DRC9: variants seen among roughly 807,000 people sequenced by gnomAD.
The protein encoded by DRC9 is dynein regulatory complex protein 9.
chr3:197,951,050 A>G, the DRC9 span: 1 of 1,605,254 alleles, frequency 6.2e-7, no homozygotes, highest in Non-Finnish European at 8.5e-7. Flanking sequence ...TAAAATTGGC[A>G]AGAAAAAACT....
chr3:197,954,084 C>T, the DRC9 span: 3 of 1,614,168 alleles, frequency 1.9e-6, no homozygotes, highest in Admixed American at 3.3e-5. Flanking sequence ...GAAACAGTGG[C>T]ATGGTTCGTG....
At chr3:197,912,937 G>A in the DRC9 span, 4 of 600,918 alleles carry the variant, frequency 6.7e-6, no homozygotes, top group South Asian at 7.6e-5. Context: ...TGTGTGGACT[G>A]CGTGTGTCCC....
At chr3:197,900,121 G>A in the DRC9 span, among the ~76,000 whole-genome samples, 1 of 152,204 alleles carries the variant, frequency 6.6e-6, no homozygotes, top group Admixed American at 6.5e-5. This position sits in a 1 kb window ranked among gnomAD's most constrained non-coding sequence, Gnocchi z 4.7. Flanking sequence ...AGTGGGACCC[G>A]AGTCCCAGCA....
chr3:197,941,175 T>TCTCTCTCCC, the DRC9 span, among the ~76,000 whole-genome samples: 16 of 122,894 alleles, frequency 1.3e-4, no homozygotes, highest in African/African-American at 5.0e-4. Context: ...CTCTCTCCTC[T>TCTCTCTCCC]CTCTCTCCCC....
At chr3:197,944,321 C>G in the DRC9 span, among the ~76,000 whole-genome samples, 5 of 151,244 alleles carry the variant, frequency 3.3e-5, no homozygotes, top group African/African-American at 1.2e-4. Context: ...TGCAATGGTG[C>G]TATCTCAGCT....
the DRC9 span, chr3:197,954,137 G>A: frequency 6.2e-7 from 1 of 1,614,196 alleles, no homozygotes; most frequent in Non-Finnish European, 8.5e-7. Context: ...ATTGGACACA[G>A]AATCCGAGTG....
chr3:197,956,701 G>GCAACCT, the DRC9 span: 66 of 147,982 alleles, frequency 4.5e-4, no homozygotes, highest in African/African-American at 1.5e-3. Flanking sequence ...ACAGCTTACT[G>GCAACCT]CAACCTCAAC....
At chr3:197,944,086 C>G in the DRC9 span, 1 of 1,586,114 alleles carries the variant, frequency 6.3e-7, no homozygotes, top group Non-Finnish European at 8.6e-7. Flanking sequence ...AAGTCAGCAA[C>G]CAATATTTAA....
the DRC9 span, among the ~76,000 whole-genome samples, chr3:197,919,161 C>A: frequency 1.3e-5 from 2 of 152,220 alleles, no homozygotes; most frequent in Admixed American, 1.3e-4. Flanking sequence ...CCAAAGGCAT[C>A]TGGTTTTAAT....
the DRC9 span, chr3:197,956,054 G>A: frequency 2.4e-6 from 1 of 423,036 alleles, no homozygotes; most frequent in Non-Finnish European, 4.4e-6. Flanking sequence ...CACATTCAAA[G>A]GCTCAAGCAA....
chr3:197,950,770 C>T, the DRC9 span: 6 of 638,902 alleles, frequency 9.4e-6, no homozygotes, highest in African/African-American at 7.3e-5. Flanking sequence ...GTTTGAATGT[C>T]TTGCCGGACC....
chr3:197,931,375 C>T, the DRC9 span, among the ~76,000 whole-genome samples: 3 of 151,488 alleles, frequency 2.0e-5, no homozygotes, highest in Non-Finnish European at 4.4e-5. Context: ...CCAGCTACTT[C>T]GGAGGCTGAG....
chr3:197,903,625 G>C, the DRC9 span, among the ~76,000 whole-genome samples: 1 of 152,126 alleles, frequency 6.6e-6, no homozygotes, highest in East Asian at 1.9e-4. Context: ...GAGAGAGCAA[G>C]ACTCTGTCTC....
At chr3:197,925,515 C>T in the DRC9 span, among the ~76,000 whole-genome samples, 2 of 151,084 alleles carry the variant, frequency 1.3e-5, no homozygotes, top group East Asian at 3.9e-4. Context: ...GTTGGGGTCT[C>T]GCAGGGCTCT....
chr3:197,904,103 TATA>T, the DRC9 span, among the ~76,000 whole-genome samples: 45 of 38,366 alleles, frequency 1.2e-3, 1 homozygote, highest in East Asian at 0.034. Context: ...TATATATATA[TATA>T]TATATTTTTT....
chr3:197,909,514 G>C, the DRC9 span, among the ~76,000 whole-genome samples: 2 of 152,124 alleles, frequency 1.3e-5, no homozygotes, highest in Non-Finnish European at 2.9e-5. Context: ...TGTTATCACA[G>C]AAAAACCTGG....
chr3:197,933,747 A>G, the DRC9 span, among the ~76,000 whole-genome samples: 2 of 151,954 alleles, frequency 1.3e-5, no homozygotes, highest in Non-Finnish European at 2.9e-5. Context: ...GCATGTTGTG[A>G]TACTTTTATT....
chr3:197,898,498 G>T, the DRC9 span, among the ~76,000 whole-genome samples: 1 of 152,198 alleles, frequency 6.6e-6, no homozygotes, highest in Admixed American at 6.5e-5. Context: ...TAGAGAAAAA[G>T]CAGATTTGCT....
chr3:197,935,859 C>G, the DRC9 span, among the ~76,000 whole-genome samples: 1 of 152,160 alleles, frequency 6.6e-6, no homozygotes, highest in East Asian at 1.9e-4. Context: ...GCCTGTAAAG[C>G]CAACCTCCTC....
Sources: gnomAD v4.1 joint callset for allele counts (sites outside exome capture counted in the v4.1 genomes callset) on GRCh38, gnomAD v4.1.1 for gene constraint, Gnocchi (gnomAD v3.1) non-coding constraint, MANE v1.5 for transcripts, NCBI Gene and HGNC (gene_info 2026-07-23, HGNC 2026-07-21) for gene names.